Variants in CRB1 observed in about 807,000 individuals in gnomAD.
CRB1 encodes the protein crumbs cell polarity complex component 1, also known as protein crumbs homolog 1.
A neutral mutation model predicts 120.0 loss-of-function variants in CRB1; 83 were observed. The observed-to-expected ratio is 0.69, with a 90% CI of 0.58 to 0.83. The LOEUF (loss-of-function observed/expected upper bound fraction) is 0.83, where lower values mean the gene tolerates loss of function less well. Ranked by LOEUF, CRB1 falls within the 40% of genes least tolerant of loss-of-function variation. The pLI is 0.00. For missense variants in CRB1, 1,699 were observed against 1,687.6 expected (o/e 1.01, Z -0.12); for synonymous variants, 625 against 612.5 (o/e 1.02, Z -0.30).
chr1:197,409,435 T>G (rs1259961589), intron 5 of CRB1, among the ~76,000 whole-genome samples: 1 of 152,228 alleles, frequency 6.6e-6, no homozygotes, highest in Non-Finnish European at 1.5e-5. Flanking sequence ...TTAAAAATGT[T>G]GCATACAATT....
At chr1:197,252,250 A>T in the CRB1 span, among the ~76,000 whole-genome samples, 1 of 151,712 alleles carries the variant, frequency 6.6e-6, no homozygotes, top group Non-Finnish European at 1.5e-5. Flanking sequence ...TAATTTTTGC[A>T]TGTCATAGAA....
At chr1:197,369,929 C>T (rs1661281731) in intron 5 of CRB1, among the ~76,000 whole-genome samples, 1 of 152,074 alleles carries the variant, frequency 6.6e-6, no homozygotes, top group African/African-American at 2.4e-5. Flanking sequence ...GTCTTTTATT[C>T]TTCTTCCAAA....
At chr1:197,387,869 A>G (rs550297271) in intron 5 of CRB1, among the ~76,000 whole-genome samples, 1 of 152,066 alleles carries the variant, frequency 6.6e-6, no homozygotes, top group South Asian at 2.1e-4. Context: ...CGAAAATAAT[A>G]TATGTAATAT....
intron 1 of CRB1, among the ~76,000 whole-genome samples, chr1:197,292,043 C>G (rs1309952312): frequency 6.6e-6 from 1 of 151,942 alleles, no homozygotes; most frequent in East Asian, 1.9e-4. Context: ...CAAAAGCTAG[C>G]AGAAGGCAAG....
At chr1:197,442,709 A>C in intron 11 of CRB1, 1 of 364,110 alleles carries the variant, frequency 2.7e-6, no homozygotes, top group Non-Finnish European at 4.6e-6. Context: ...TATGTGAATG[A>C]CCACTGCAAT....
intron 5 of CRB1, among the ~76,000 whole-genome samples, chr1:197,365,933 C>T (rs1661049174): frequency 6.6e-6 from 1 of 152,046 alleles, no homozygotes; most frequent in Non-Finnish European, 1.5e-5. Context: ...AGTTTTTAGT[C>T]ATGCTTAGTG....
intron 5 of CRB1, among the ~76,000 whole-genome samples, chr1:197,366,032 A>C (rs900866693): frequency 7.2e-5 from 11 of 152,124 alleles, no homozygotes; most frequent in African/African-American, 2.7e-4. Context: ...GTGTTATAGT[A>C]GTATAAAGAA....
At chr1:197,211,797 T>A in the CRB1 span, among the ~76,000 whole-genome samples, 1 of 118,048 alleles carries the variant, frequency 8.5e-6, no homozygotes, top group Non-Finnish European at 1.9e-5. Flanking sequence ...TTGAAATGCA[T>A]CAATATTAAA....
At chr1:197,235,639 C>T in the CRB1 span, among the ~76,000 whole-genome samples, 1 of 152,208 alleles carries the variant, frequency 6.6e-6, no homozygotes, top group Admixed American at 6.5e-5. Flanking sequence ...GAGGCTTGAG[C>T]AATCCAACAA....
chr1:197,422,734 T>C (rs1664399463), intron 6 of CRB1: 1 of 152,158 alleles, frequency 6.6e-6, no homozygotes, highest in Non-Finnish European at 1.5e-5. Flanking sequence ...TTATTATTAT[T>C]ATCATACATT....
intron 2 of CRB1, among the ~76,000 whole-genome samples, chr1:197,343,187 A>G (rs1659571891): frequency 6.6e-6 from 1 of 152,220 alleles, no homozygotes; most frequent in South Asian, 2.1e-4. Flanking sequence ...AAAAATGGGC[A>G]CAAATCAATT....
At chr1:197,299,866 C>T (rs574804785) in intron 1 of CRB1, among the ~76,000 whole-genome samples, 37 of 151,302 alleles carry the variant, frequency 2.4e-4, no homozygotes, top group African/African-American at 7.1e-4. Context: ...GGCAACTCAG[C>T]ATCAAGCAAT....
At chr1:197,346,400 G>T (rs954263762) in intron 3 of CRB1, among the ~76,000 whole-genome samples, 13 of 151,944 alleles carry the variant, frequency 8.6e-5, no homozygotes, top group Admixed American at 2.0e-4. Context: ...CAGGGTTTTT[G>T]TCGCTAATGT....
chr1:197,225,802 A>G, the CRB1 span, among the ~76,000 whole-genome samples: 1 of 152,190 alleles, frequency 6.6e-6, no homozygotes, highest in East Asian at 1.9e-4. Flanking sequence ...TCTCGCATAC[A>G]CAGCTGTATC....
the CRB1 span, among the ~76,000 whole-genome samples, chr1:197,207,727 G>A: frequency 5.9e-3 from 902 of 151,996 alleles, 9 homozygotes; most frequent in African/African-American, 0.018. Flanking sequence ...AATTTCCCAG[G>A]TGTTCTTTGA....
At chr1:197,326,202 T>C (rs994606904) in intron 1 of CRB1, among the ~76,000 whole-genome samples, 1 of 152,210 alleles carries the variant, frequency 6.6e-6, no homozygotes, top group Non-Finnish European at 1.5e-5. Flanking sequence ...GAGCACTTGG[T>C]ATAAATAAAT....
the CRB1 span, among the ~76,000 whole-genome samples, chr1:197,252,773 C>T: frequency 1.6e-4 from 24 of 150,892 alleles, no homozygotes; most frequent in South Asian, 3.6e-3. Context: ...TAATTCAGCT[C>T]AAGTCCGAAG....
intron 1 of CRB1, among the ~76,000 whole-genome samples, chr1:197,291,400 C>T (rs1234317745): frequency 6.6e-6 from 1 of 151,612 alleles, no homozygotes; most frequent in African/African-American, 2.4e-5. Context: ...TTCAGTATTT[C>T]CTTAATTTTC....
intron 5 of CRB1, among the ~76,000 whole-genome samples, chr1:197,371,313 C>T (rs1661359708): frequency 6.6e-6 from 1 of 152,142 alleles, no homozygotes; most frequent in Non-Finnish European, 1.5e-5. Context: ...GAGAAAAACT[C>T]ACAAGCCACA....
Sources: gnomAD v4.1 joint callset for allele counts (sites outside exome capture counted in the v4.1 genomes callset) on GRCh38, gnomAD v4.1.1 for gene constraint, MANE v1.5 for transcripts, NCBI Gene and HGNC (gene_info 2026-07-23, HGNC 2026-07-21) for gene names.